The following SLC37A2 variants were observed in gnomAD, a reference collection of about 807,000 sequenced individuals.
SLC37A2 encodes the protein solute carrier family 37 member 2.
SLC37A2 carries 59 observed loss-of-function variants against 70.7 expected under a neutral mutation model. The ratio of observed to expected loss-of-function variants is 0.83; its 90% CI spans 0.68 to 1.04. The LOEUF (loss-of-function observed/expected upper bound fraction) is 1.04, where lower values mean the gene tolerates loss of function less well. SLC37A2 is among the 50% of genes least tolerant of loss of function. The probability of loss-of-function intolerance (pLI) is 0.00; values close to 1 mark genes in which losing one functional copy is unlikely to be tolerated. For missense variants in SLC37A2, 580 were observed against 658.1 expected (o/e 0.88, Z 1.30); for synonymous variants, 257 against 262.1 (o/e 0.98, Z 0.19).
chr11:125,085,473 G>A lies in SLC37A2; in HGVS notation c.1327G>A (p.Gly443Ser), dbSNP rs774908734. ...TAIIDGTGSIGAALGPLLAGL... is the reference protein window; with the variant it reads ...TAIIDGTGSISAALGPLLAGL... ...CATCATTGACGGCACCGGCTCCATA[G>A]GTCTGTGACTCTAGCTCTGTTGTGG... Residue 443 changes from glycine to serine, a missense_variant and splice_region_variant, in exon 15 of 18, where the codon GGT (glycine) becomes AGT (serine). Gly to Ser is a moderately conservative substitution (Grantham distance 56). Coordinates refer to ENST00000403796, the MANE Select transcript of SLC37A2 (RefSeq NM_001145290.2). The A allele has an allele frequency of 3.5e-5, 56 of 1,613,806 alleles. No individual in the cohort carries two copies. Among genetic ancestry groups the A allele is most frequent in the Non-Finnish European group, 4.6e-5 (54 of 1,180,000 alleles).
At chr11:125,074,002 C>T (rs559867548) in intron 1 of SLC37A2, among the ~76,000 whole-genome samples, 1 of 152,326 alleles carries the variant, frequency 6.6e-6, no homozygotes, top group South Asian at 2.1e-4. Flanking sequence ...ACCTGAGGCC[C>T]TGCGCCACGC....
At chr11:125,081,208 T>C (rs1438949907) in intron 7 of SLC37A2, among the ~76,000 whole-genome samples, 1 of 152,080 alleles carries the variant, frequency 6.6e-6, no homozygotes, top group East Asian at 1.9e-4. Flanking sequence ...GTGACACTGC[T>C]GGTTGTTAGG....
intron 1 of SLC37A2, among the ~76,000 whole-genome samples, chr11:125,076,512 G>A (rs1949089052): frequency 1.3e-5 from 2 of 152,206 alleles, no homozygotes; most frequent in Admixed American, 1.3e-4. Flanking sequence ...TGCTTCTTGT[G>A]GGCTGGGGCC....
intron 1 of SLC37A2, among the ~76,000 whole-genome samples, chr11:125,065,898 A>T (rs570123162): frequency 6.6e-6 from 1 of 152,370 alleles, no homozygotes; most frequent in South Asian, 2.1e-4. Flanking sequence ...ATGAAAGCAG[A>T]ATCTACTAAG....
At chr11:125,081,514 G>T in intron 8 of SLC37A2, 56 bp downstream of exon 8, 8 of 1,564,904 alleles carry the variant, frequency 5.1e-6, no homozygotes, top group Middle Eastern at 1.7e-4. Flanking sequence ...CCAGAGGGCT[G>T]GACCCGGAGA....
Position 125,088,234 on chromosome 11 carries a change from C to T in SLC37A2, c.*100C>T. The T allele has an allele frequency of 7.2e-7, 1 of 1,381,330 alleles. No homozygotes were observed. The highest frequency in any genetic ancestry group is 2.0e-5 in the Admixed American group (1 of 50,404). The allele number at this position is 1,381,330 out of a possible 1,614,324, so 85.6% of individuals were successfully genotyped here. A position where few individuals can be genotyped will look rare whatever the true frequency, so the allele number is the denominator to read the frequency against. ...AACTTCCACAAGCAGGGAAGGCAAACCCTCTTTATTGAACATTAGCCAGCC... is the reference window on the plus strand; with the variant it reads ...AACTTCCACAAGCAGGGAAGGCAAATCCTCTTTATTGAACATTAGCCAGCC... On this transcript the variant is annotated 3_prime_UTR_variant, in exon 18 of 18. Coordinates refer to ENST00000403796, the MANE Select transcript of SLC37A2 (RefSeq NM_001145290.2).
chr11:125,084,389 T>C lies in SLC37A2; in HGVS notation c.1125+70T>C, dbSNP rs905400924. On this transcript the variant is annotated intron_variant, in intron 12 of 17. Coordinates refer to ENST00000403796, the MANE Select transcript of SLC37A2 (RefSeq NM_001145290.2). Reference sequence around the variant, plus strand: ...AGCCTGTGTGGGCCTCTGGCCTATGTGCACGTCCACGCGTTACACACATTG... The same window carrying C: ...AGCCTGTGTGGGCCTCTGGCCTATGCGCACGTCCACGCGTTACACACATTG... 4 of 1,459,332 alleles carry C rather than the reference T, an allele frequency of 2.7e-6. No individual in the cohort carries two copies. The African/African-American group carries it at 5.6e-5, about 20-fold the overall frequency. The allele number at this position is 1,459,332 out of a possible 1,614,324, so 90.4% of individuals were successfully genotyped here.
chr11:125,063,544 G>A lies in SLC37A2; in HGVS notation c.59+118G>A. ...CCCCGGCGTCGCCGCGTGGCCAGGG[G>A]TGCTGGGGGGACTTGGTCCCGAGCT... On this transcript the variant is annotated intron_variant, in intron 1 of 17. Transcript: ENST00000403796. This position sits in a 1 kb window ranked among gnomAD's most constrained non-coding sequence, Gnocchi z 5.4. The A allele has an allele frequency of 3.3e-6, 3 of 920,406 alleles. No individual in the cohort carries two copies. Among genetic ancestry groups the A allele is most frequent in the Middle Eastern group, 3.2e-4 (1 of 3,078 alleles). 57.0% of individuals were successfully genotyped at this position (920,406 alleles called of 1,614,324 possible). A position where few individuals can be genotyped will look rare whatever the true frequency, so the allele number is the denominator to read the frequency against.
chr11:125,082,234 C>G lies in SLC37A2; in HGVS notation c.886-10C>G, dbSNP rs1258846855. On this transcript the variant is annotated splice_polypyrimidine_tract_variant and intron_variant, in intron 9 of 17. Transcript: ENST00000403796. ...ACCCCTTCCCATGTGCCCCCTGTTG[C>G]ACTCCCCAGGGCGTGGTCGAGTTCT... The G allele has an allele frequency of 6.2e-7, 1 of 1,613,534 alleles. No homozygotes were observed.
chr11:125,088,404 A>C lies in SLC37A2; in HGVS notation c.*270A>C. On this transcript the variant is annotated 3_prime_UTR_variant, in exon 18 of 18. Transcript: ENST00000403796. ...GGGACTAGGGCTGAGTTGTGTCTCC[A>C]TTTTGATAAGGAAAGGATATGCTCA... The C allele has an allele frequency of 2.1e-6, 1 of 481,220 alleles. No homozygotes were observed. Among genetic ancestry groups the C allele is most frequent in the Admixed American group, 3.5e-5 (1 of 28,984 alleles). 29.8% of individuals were successfully genotyped at this position (481,220 alleles called of 1,614,324 possible). A position where few individuals can be genotyped will look rare whatever the true frequency, so the allele number is the denominator to read the frequency against.
At chr11:125,081,545 G>A (rs1429520191) in intron 8 of SLC37A2, 87 bp downstream of exon 8, 2 of 1,493,644 alleles carry the variant, frequency 1.3e-6, no homozygotes, top group Non-Finnish European at 1.8e-6. Flanking sequence ...GCTAGAGCAG[G>A]GAGTTCTGGC....
chr11:125,068,073 T>C (rs1948998437), intron 1 of SLC37A2, among the ~76,000 whole-genome samples: 1 of 152,124 alleles, frequency 6.6e-6, no homozygotes. Context: ...AAGGGCTCAG[T>C]AATACGCATA....
At chr11:125,079,324 T>G (rs550979256) in intron 5 of SLC37A2, 77 bp downstream of exon 5, 1 of 1,584,508 alleles carries the variant, frequency 6.3e-7, no homozygotes, top group African/African-American at 1.3e-5. Context: ...TCACAGCGGG[T>G]GGGAGCCTGT....
At chr11:125,079,290 G>A (rs755200101) in intron 5 of SLC37A2, 43 bp downstream of exon 5, 23 of 1,612,510 alleles carry the variant, frequency 1.4e-5, no homozygotes, top group South Asian at 3.3e-5. Context: ...TTGCCGTCTC[G>A]GGAAGGACCT....
At chr11:125,065,708 G>A (rs1360639922) in intron 1 of SLC37A2, among the ~76,000 whole-genome samples, 2 of 152,036 alleles carry the variant, frequency 1.3e-5, no homozygotes, top group Admixed American at 6.6e-5. Context: ...ACAACATCCC[G>A]GCAAGGTCTT....
rs1949155321 is a variant in SLC37A2 at position 125,081,911 on chromosome 11, G to A, written c.885+5G>A. 1 of 1,598,948 alleles carries A rather than the reference G, an allele frequency of 6.3e-7. No homozygotes were observed. Among genetic ancestry groups the A allele is most frequent in the East Asian group, 2.2e-5 (1 of 44,686 alleles). ...TTTGGGGCGCTCCGGATCCCAGTAA[G>A]AAGTTTGTGGAATGGAGGAAAGAGA... On this transcript the variant is annotated splice_donor_5th_base_variant and intron_variant, in intron 9 of 17. Transcript: ENST00000403796.
At chr11:125,064,037 C>G (rs1591624376) in intron 1 of SLC37A2, among the ~76,000 whole-genome samples, 1 of 152,162 alleles carries the variant, frequency 6.6e-6, no homozygotes, top group East Asian at 1.9e-4. Context: ...ACATGTTGGG[C>G]TGCAAGGTGG....
Position 125,088,290 on chromosome 11 carries a change from C to A in SLC37A2, c.*156C>A, listed in dbSNP as rs990281099. The A allele has an allele frequency of 1.3e-6, 1 of 768,708 alleles. No homozygotes were observed. Among genetic ancestry groups the A allele is most frequent in the Non-Finnish European group, 2.1e-6 (1 of 480,062 alleles). 47.6% of individuals were successfully genotyped at this position (768,708 alleles called of 1,614,324 possible). On this transcript the variant is annotated 3_prime_UTR_variant, in exon 18 of 18. Transcript: ENST00000403796. ...CAGACCCCAGGGCTGCCTAAGGACA[C>A]AGAGATTCTCCATGGGAAGGGGACT...
chr11:125,080,253 T>A lies in SLC37A2; in HGVS notation c.528-361T>A, dbSNP rs193038602. ...GTGACCATGAAAAATCTCTAGCTGT[T>A]ACCAGATATCCCTTGGGGGTAGGAT... is the stretch of plus-strand genomic sequence containing the variant. On this transcript the variant is annotated intron_variant, in intron 6 of 17. Transcript: ENST00000403796. The surrounding 1 kb of genome is among the most constrained non-coding windows in gnomAD (Gnocchi z 4.3). Among the ~76,000 whole-genome samples, 14 of 152,334 alleles carry A rather than the reference T, an allele frequency of 9.2e-5. 1 individual carries two copies. The highest frequency in any genetic ancestry group is 3.4e-4 in the African/African-American group (14 of 41,582).
Sources: allele counts gnomAD v4.1 joint callset (sites outside exome capture counted in the v4.1 genomes callset), GRCh38; gene constraint gnomAD v4.1.1; non-coding constraint Gnocchi (gnomAD v3.1); transcripts MANE v1.5; gene names NCBI Gene and HGNC (gene_info 2026-07-23, HGNC 2026-07-21).